GPR158: variants seen among roughly 807,000 people sequenced by gnomAD.
GPR158 encodes the protein G protein-coupled receptor 158, also known as metabotropic glycine receptor.
A neutral mutation model predicts 78.2 loss-of-function variants in GPR158; 30 were observed. That is an observed-to-expected ratio of 0.38 (90% CI 0.29 to 0.52). GPR158 has a LOEUF of 0.52. Among genes scored for constraint, GPR158 ranks in the 20% least tolerant of loss-of-function variants. GPR158 has a pLI of 0.83. For missense variants in GPR158, 1,463 were observed against 1,523.5 expected, an observed-to-expected ratio of 0.96 and a Z score of 0.66; for synonymous variants, 581 against 591.1, an observed-to-expected ratio of 0.98 and a Z score of 0.25.
chr10:25,524,030 C>G (rs1343444129), intron 5 of GPR158, among the ~76,000 whole-genome samples: 1 of 151,336 alleles, frequency 6.6e-6, no homozygotes, highest in African/African-American at 2.4e-5. Context: ...TTTCTTATAC[C>G]AGCAATGAAC....
At chr10:25,407,513 C>T (rs1042782747) in intron 3 of GPR158, among the ~76,000 whole-genome samples, 3 of 152,036 alleles carry the variant, frequency 2.0e-5, no homozygotes, top group Non-Finnish European at 2.9e-5. Context: ...TAGATGTCAC[C>T]ACTTGGATCT....
chr10:25,186,797 A>T (rs960819620), intron 1 of GPR158, among the ~76,000 whole-genome samples: 3 of 152,146 alleles, frequency 2.0e-5, no homozygotes, highest in Non-Finnish European at 2.9e-5. Flanking sequence ...CAGAGGTACA[A>T]GGAGGAGCTG....
intron 5 of GPR158, among the ~76,000 whole-genome samples, chr10:25,532,337 A>AT (rs1422643675): frequency 6.6e-6 from 1 of 152,132 alleles, no homozygotes; most frequent in African/African-American, 2.4e-5. Context: ...AGAGTGATGC[A>AT]TTTTTTATGT....
chr10:25,361,694 TAAGC>T (rs989200997), intron 2 of GPR158, among the ~76,000 whole-genome samples: 4 of 152,014 alleles, frequency 2.6e-5, no homozygotes, highest in Non-Finnish European at 4.4e-5. Flanking sequence ...TTAGTTCCAT[TAAGC>T]AAGCATCTCT....
intron 2 of GPR158, among the ~76,000 whole-genome samples, chr10:25,229,734 A>G (rs959440028): frequency 3.3e-5 from 5 of 152,232 alleles, no homozygotes; most frequent in Non-Finnish European, 7.3e-5. Context: ...AGGATTAGAC[A>G]TGAGGATGTA....
At chr10:25,532,775 G>A (rs1189393316) in intron 5 of GPR158, among the ~76,000 whole-genome samples, 3 of 150,972 alleles carry the variant, frequency 2.0e-5, no homozygotes, top group African/African-American at 7.3e-5. Flanking sequence ...ATAACTTAAA[G>A]AGTAAAATCT....
intron 1 of GPR158, among the ~76,000 whole-genome samples, chr10:25,177,376 C>T (rs1852553054): frequency 6.6e-6 from 1 of 152,170 alleles, no homozygotes; most frequent in Admixed American, 6.5e-5. Flanking sequence ...CCCTTAGTCC[C>T]ATGAGGGAAG....
chr10:25,439,613 A>C (rs540067481), intron 4 of GPR158, among the ~76,000 whole-genome samples: 1 of 151,804 alleles, frequency 6.6e-6, no homozygotes, highest in Non-Finnish European at 1.5e-5. Flanking sequence ...GCTTCCTATT[A>C]TTTTCCTAAT....
At position 25,297,662 on chromosome 10, in the gene GPR158, C is replaced by T. The variant is rs549254460; in HGVS notation, c.1008+76505C>T. Among the ~76,000 whole-genome samples, 10 of 152,292 alleles carry T rather than the reference C, an allele frequency of 6.6e-5. No individual in the cohort carries two copies. In the East Asian group the frequency reaches 7.7e-4, roughly 12 times the overall value. On this transcript the variant is annotated intron_variant, in intron 2 of 10. Coordinates refer to ENST00000376351, the MANE Select transcript of GPR158 (RefSeq NM_020752.3). ...TCAAAGTTCAGATGGAGATTAAAGA[C>T]GCAGGTGAATCAGTTTAGTTACTAG...
intron 4 of GPR158, among the ~76,000 whole-genome samples, chr10:25,433,506 GC>G (rs1443847242): frequency 7.0e-6 from 1 of 143,830 alleles, no homozygotes; most frequent in Non-Finnish European, 1.5e-5. Context: ...AACTCAAGGA[GC>G]AAAAAGGAAA....
chr10:25,503,849 T>C (rs990371144), intron 5 of GPR158, among the ~76,000 whole-genome samples: 2 of 152,098 alleles, frequency 1.3e-5, no homozygotes, highest in African/African-American at 4.8e-5. Context: ...TTTGTTTACT[T>C]ATTTATAGTG....
At chr10:25,341,001 G>C (rs1384561986) in intron 2 of GPR158, among the ~76,000 whole-genome samples, 1 of 152,040 alleles carries the variant, frequency 6.6e-6, no homozygotes, top group African/African-American at 2.4e-5. Flanking sequence ...GCTATAGTAA[G>C]AGTGAAAGTT....
chr10:25,543,832 G>GGTAT (rs1181945674), intron 5 of GPR158, among the ~76,000 whole-genome samples: 1 of 152,098 alleles, frequency 6.6e-6, no homozygotes, highest in Non-Finnish European at 1.5e-5. Flanking sequence ...GGTATTCCAT[G>GGTAT]GTATATGAAT....
intron 5 of GPR158, among the ~76,000 whole-genome samples, chr10:25,479,558 G>GCACCTGT (rs1440099146): frequency 6.6e-6 from 1 of 151,914 alleles, no homozygotes; most frequent in Non-Finnish European, 1.5e-5. Context: ...GGGATTACAG[G>GCACCTGT]CACCTGTCAC....
intron 2 of GPR158, among the ~76,000 whole-genome samples, chr10:25,353,646 G>A (rs77263215): frequency 0.023 from 3,544 of 152,002 alleles, 53 homozygotes; most frequent in Admixed American, 0.034. Context: ...TCTGCAGAGC[G>A]GCTAAAAAAT....
intron 3 of GPR158, among the ~76,000 whole-genome samples, chr10:25,406,904 C>G (rs1460171105): frequency 6.6e-6 from 1 of 152,016 alleles, no homozygotes; most frequent in African/African-American, 2.4e-5. Context: ...TTTTCTGGTG[C>G]CTTTTAGTCA....
intron 6 of GPR158, among the ~76,000 whole-genome samples, chr10:25,558,322 T>C (rs1401847490): frequency 6.6e-6 from 1 of 152,252 alleles, no homozygotes; most frequent in African/African-American, 2.4e-5. Flanking sequence ...AAACACTTTA[T>C]TATCCTAATA....
At chr10:25,525,090 A>T (rs1317916927) in intron 5 of GPR158, among the ~76,000 whole-genome samples, 1 of 152,224 alleles carries the variant, frequency 6.6e-6, no homozygotes, top group African/African-American at 2.4e-5. Flanking sequence ...ACCCACAAGG[A>T]TGGCTGTAAT....
intron 4 of GPR158, among the ~76,000 whole-genome samples, chr10:25,453,142 C>CT (rs1235383817): frequency 1.3e-5 from 2 of 152,176 alleles, no homozygotes; most frequent in Admixed American, 1.3e-4. Context: ...GACTCTAAGG[C>CT]TGATTTCATA....
Sources: allele counts gnomAD v4.1 joint callset (sites outside exome capture counted in the v4.1 genomes callset), GRCh38; gene constraint gnomAD v4.1.1; transcripts MANE v1.5; gene names NCBI Gene and HGNC (gene_info 2026-07-23, HGNC 2026-07-21).